Variants in SPAST observed in about 807,000 individuals in gnomAD.
SPAST encodes the protein spastin, also known as spastic paraplegia 4 (autosomal dominant; spastin).
SPAST carries 30 observed loss-of-function variants against 76.6 expected under a neutral mutation model. The ratio of observed to expected loss-of-function variants is 0.39; its 90% CI spans 0.29 to 0.53. The LOEUF is 0.53. Ranked by LOEUF, SPAST falls within the 20% of genes least tolerant of loss-of-function variation. SPAST has a pLI of 0.68. For missense variants in SPAST, 717 were observed against 770.5 expected (o/e 0.93, Z 0.82); for synonymous variants, 305 against 281.0 (o/e 1.09, Z -0.86).
intron 15 of SPAST, 85 bp from the exon 16 acceptor site, chr2:32,147,133 A>G: frequency 6.0e-6 from 5 of 840,168 alleles, no homozygotes; most frequent in South Asian, 5.3e-5. Flanking sequence ...AGATACATGT[A>G]GATCATTGTA....
chr2:32,154,436 C>T lies in SPAST; in HGVS notation c.1791C>T (p.Ser597=), dbSNP rs1680186871. The T allele has an allele frequency of 6.2e-7, 1 of 1,611,894 alleles. No homozygotes were observed. The highest frequency in any genetic ancestry group is 8.5e-7 in the Non-Finnish European group (1 of 1,178,320). Reference sequence around the variant, plus strand: ...TGAAAAAAATAAAACGCAGCGTCAGCCCTCAAACTTTAGAAGCGTACATAC... The same window carrying T: ...TGAAAAAAATAAAACGCAGCGTCAGTCCTCAAACTTTAGAAGCGTACATAC... ...ESLKKIKRSV[S]PQTLEAYIRW... The change falls in exon 17 of 17, where the codon AGC becomes AGT. Residue 597 remains serine, a synonymous_variant. Transcript: ENST00000315285.
intron 7 of SPAST, among the ~76,000 whole-genome samples, chr2:32,124,457 T>C (rs1289231711): frequency 6.6e-6 from 1 of 152,094 alleles, no homozygotes; most frequent in Admixed American, 6.6e-5. Context: ...GGAAGGTAGT[T>C]GGACAGTTTT....
At chr2:32,108,390 T>C (rs1015797413) in intron 4 of SPAST, among the ~76,000 whole-genome samples, 1 of 152,198 alleles carries the variant, frequency 6.6e-6, no homozygotes, top group Non-Finnish European at 1.5e-5. Context: ...TCATATACAA[T>C]GCTTTAACTC....
At chr2:32,075,896 CTTTTTTTTTTTT>C (rs1209272322) in intron 1 of SPAST, among the ~76,000 whole-genome samples, 1 of 81,764 alleles carries the variant, frequency 1.2e-5, no homozygotes, top group African/African-American at 5.1e-5. Context: ...TCAAAATGCT[CTTTTTTTTTTTT>C]TTTTTTTTTT....
chr2:32,126,899 T>G, intron 7 of SPAST, 49 bp from the exon 8 acceptor site: 1 of 1,335,978 alleles, frequency 7.5e-7, no homozygotes, highest in Non-Finnish European at 1.1e-6. Context: ...AAAGAGTACT[T>G]AAAATGTCTC....
At chr2:32,114,581 GTCT>G in intron 4 of SPAST, 54 bp from the exon 5 acceptor site, 1 of 1,349,234 alleles carries the variant, frequency 7.4e-7, no homozygotes, top group Non-Finnish European at 1.1e-6. Context: ...ATGTTTGCTT[GTCT>G]TTATGTTCAG....
In SPAST at chr2:32,116,149, T is replaced by G. The variant is rs755541182; in HGVS notation, c.1035T>G (p.Ala345=). 2.5e-6 allele frequency: 4 copies of G among 1,613,422 alleles called. No individual in the cohort carries two copies. The highest frequency in any genetic ancestry group is 4.5e-5 in the East Asian group (2 of 44,772). The part of the protein sequence containing the change: ...NGTAVKFDDI[A]GQDLAKQALQ... The stretch of plus-strand genomic sequence containing the variant: ...CAGCTGTTAAATTTGATGATATAGC[T>G]GGTCAAGACTTGGCAAAACAAGCAT... The change falls in exon 7 of 17, where the codon GCT becomes GCG. Residue 345 remains alanine, a synonymous_variant. Coordinates refer to ENST00000315285, the MANE Select transcript of SPAST (RefSeq NM_014946.4).
At chr2:32,086,094 CATTGT>C (rs1677463376) in intron 1 of SPAST, among the ~76,000 whole-genome samples, 1 of 151,820 alleles carries the variant, frequency 6.6e-6, no homozygotes, top group Non-Finnish European at 1.5e-5. Context: ...CATCAAGAGT[CATTGT>C]ATTATATTGA....
At chr2:32,128,679 G>A (rs1465346086) in intron 9 of SPAST, 200 bp downstream of exon 9, 2 of 573,114 alleles carry the variant, frequency 3.5e-6, no homozygotes, top group Non-Finnish European at 6.2e-6. Context: ...TTAGTTTACT[G>A]GGGCCATGTA....
intron 12 of SPAST, among the ~76,000 whole-genome samples, chr2:32,140,635 T>A (rs1438083288): frequency 6.7e-6 from 1 of 150,084 alleles, no homozygotes; most frequent in South Asian, 2.1e-4. Context: ...AAAGAAAAAA[T>A]TTTTTGGTCA....
At chr2:32,149,378 G>A (rs902723779) in intron 16 of SPAST, among the ~76,000 whole-genome samples, 21 of 151,766 alleles carry the variant, frequency 1.4e-4, no homozygotes, top group African/African-American at 1.5e-4. Flanking sequence ...GATTACAGGC[G>A]TGAGCCACCA....
At chr2:32,079,100 C>G (rs181786034) in intron 1 of SPAST, among the ~76,000 whole-genome samples, 1 of 152,082 alleles carries the variant, frequency 6.6e-6, no homozygotes, top group Non-Finnish European at 1.5e-5. Flanking sequence ...CTCAGCCTCC[C>G]GAAGTGTTGA....
Position 32,063,655 on chromosome 2 carries a change from G to A in SPAST, c.-177G>A, listed in dbSNP as rs1676372486. 1 of 776,250 alleles carries A rather than the reference G, an allele frequency of 1.3e-6. No individual in the cohort carries two copies. Among genetic ancestry groups the A allele is most frequent in the Non-Finnish European group, 2.0e-6 (1 of 502,746 alleles). The allele number at this position is 776,250 out of a possible 1,614,324, so 48.1% of individuals were successfully genotyped here. A position where few individuals can be genotyped will look rare whatever the true frequency, so the allele number is the denominator to read the frequency against. On this transcript the variant is annotated 5_prime_UTR_variant, in exon 1 of 17. Transcript: ENST00000315285. ...AGGAGGAGAAGGGGTTGTGCTCCTGGCCGAGGAAGGAGAAAGGGGCGGGGC... is the reference window on the plus strand; with the variant it reads ...AGGAGGAGAAGGGGTTGTGCTCCTGACCGAGGAAGGAGAAAGGGGCGGGGC...
chr2:32,110,280 G>A (rs1678504306), intron 4 of SPAST, among the ~76,000 whole-genome samples: 1 of 148,964 alleles, frequency 6.7e-6, no homozygotes, highest in Admixed American at 6.7e-5. Context: ...CACCACGCCA[G>A]GCTAATTTTT....
chr2:32,144,890 A>C (rs768971841), intron 14 of SPAST, 47 bp from the exon 15 acceptor site: 1 of 1,391,504 alleles, frequency 7.2e-7, no homozygotes, highest in Non-Finnish European at 1.0e-6. Context: ...ATCTCAAAAA[A>C]AAGCGGGAGG....
Position 32,063,650 on chromosome 2 carries a change from T to G in SPAST, c.-182T>G. The G allele has an allele frequency of 1.3e-6, 1 of 742,024 alleles. No individual in the cohort carries two copies. The highest frequency in any genetic ancestry group is 2.9e-5 in the Admixed American group (1 of 33,946). The allele number at this position is 742,024 out of a possible 1,614,324, so 46.0% of individuals were successfully genotyped here. A position where few individuals can be genotyped will look rare whatever the true frequency, so the allele number is the denominator to read the frequency against. On this transcript the variant is annotated 5_prime_UTR_variant, in exon 1 of 17. Coordinates refer to ENST00000315285, the MANE Select transcript of SPAST (RefSeq NM_014946.4). ...ACTGCAGGAGGAGAAGGGGTTGTGC[T>G]CCTGGCCGAGGAAGGAGAAAGGGGC...
At chr2:32,081,781 C>CA (rs34078147) in intron 1 of SPAST, among the ~76,000 whole-genome samples, 717 of 43,062 alleles carry the variant, frequency 0.017, 15 homozygotes, top group African/African-American at 0.021. Flanking sequence ...GAGACACTGT[C>CA]AAAAAAAAAA....
intron 3 of SPAST, among the ~76,000 whole-genome samples, chr2:32,090,630 A>G (rs994120290): frequency 3.9e-5 from 6 of 152,188 alleles, no homozygotes; most frequent in Non-Finnish European, 5.9e-5. Flanking sequence ...TTGTATCAGG[A>G]TCTTAAAAAG....
chr2:32,092,838 C>G (rs1242021585), intron 3 of SPAST, among the ~76,000 whole-genome samples: 1 of 151,458 alleles, frequency 6.6e-6, no homozygotes, highest in East Asian at 1.9e-4. Context: ...GAAACCTAAT[C>G]TCTACTAAAA....
Sources: gnomAD v4.1 joint callset for allele counts (sites outside exome capture counted in the v4.1 genomes callset) on GRCh38, gnomAD v4.1.1 for gene constraint, MANE v1.5 for transcripts, NCBI Gene and HGNC (gene_info 2026-07-23, HGNC 2026-07-21) for gene names.